SNTG1: variants seen among roughly 807,000 people sequenced by gnomAD.
SNTG1 encodes syntrophin gamma 1.
Under a neutral mutation model 74.7 loss-of-function variants are expected in SNTG1, and 39 were observed. That is an observed-to-expected ratio of 0.52 (90% CI 0.40 to 0.68). SNTG1 has a LOEUF of 0.68. Ranked by LOEUF, SNTG1 falls within the 30% of genes least tolerant of loss-of-function variation. The probability of loss-of-function intolerance (pLI) is 0.00; values close to 1 mark genes in which losing one functional copy is unlikely to be tolerated. For missense variants in SNTG1, 685 were observed against 609.5 expected (o/e 1.12, Z -1.30); for synonymous variants, 254 against 217.1 (o/e 1.17, Z -1.49).
intron 1 of SNTG1, among the ~76,000 whole-genome samples, chr8:49,981,375 C>A (rs1034719211): frequency 6.6e-6 from 1 of 152,142 alleles, no homozygotes; most frequent in African/African-American, 2.4e-5. Context: ...AGAAATTTTA[C>A]CCATGGTTGC....
intron 4 of SNTG1, among the ~76,000 whole-genome samples, chr8:50,404,634 T>G (rs2131365105): frequency 6.6e-6 from 1 of 152,200 alleles, no homozygotes; most frequent in African/African-American, 2.4e-5. Context: ...AAGTTTTTTT[T>G]TTTAACTGTG....
At chr8:49,932,207 T>C (rs779184032) in intron 1 of SNTG1, among the ~76,000 whole-genome samples, 3 of 152,190 alleles carry the variant, frequency 2.0e-5, no homozygotes, top group Non-Finnish European at 4.4e-5. Flanking sequence ...CTGTTTTAGT[T>C]CCTATTACAG....
intron 11 of SNTG1, among the ~76,000 whole-genome samples, chr8:50,546,854 T>C (rs2094391902): frequency 6.6e-6 from 1 of 152,128 alleles, no homozygotes; most frequent in Non-Finnish European, 1.5e-5. Flanking sequence ...CAATCTCGGC[T>C]CACTGCAACC....
intron 1 of SNTG1, chr8:50,163,739 C>G (rs1198680098): frequency 6.6e-6 from 1 of 152,182 alleles, no homozygotes; most frequent in African/African-American, 2.4e-5. Flanking sequence ...GCCTCCACCT[C>G]CCAAAGTGCT....
intron 11 of SNTG1, among the ~76,000 whole-genome samples, chr8:50,550,693 G>GTGTGTGTGTATATATATATATATA (rs1554571332): frequency 1.3e-5 from 2 of 149,028 alleles, no homozygotes; most frequent in African/African-American, 5.0e-5. Context: ...TAGTGTGTGT[G>GTGTGTGTGTATATATATATATATA]TATATATATA....
chr8:50,534,317 T>G (rs1210242281), intron 10 of SNTG1, among the ~76,000 whole-genome samples: 3 of 152,060 alleles, frequency 2.0e-5, no homozygotes, highest in Non-Finnish European at 4.4e-5. Context: ...TTTCAGTCAT[T>G]GCCAACGAGG....
chr8:50,643,372 G>A (rs559031906), intron 13 of SNTG1, among the ~76,000 whole-genome samples: 1 of 152,308 alleles, frequency 6.6e-6, no homozygotes, highest in East Asian at 1.9e-4. Flanking sequence ...TGACAAATCA[G>A]GGTAATTGCC....
At chr8:50,346,658 G>A (rs1464422494) in intron 2 of SNTG1, among the ~76,000 whole-genome samples, 2 of 152,232 alleles carry the variant, frequency 1.3e-5, no homozygotes, top group Admixed American at 6.5e-5. Flanking sequence ...AGTTGTGAAT[G>A]CAAAGAGAAA....
At chr8:50,227,716 G>C (rs1011029750) in intron 2 of SNTG1, among the ~76,000 whole-genome samples, 2 of 151,160 alleles carry the variant, frequency 1.3e-5, no homozygotes, top group African/African-American at 4.9e-5. Flanking sequence ...ACAAGTCATC[G>C]GAGAAGCCAA....
intron 13 of SNTG1, among the ~76,000 whole-genome samples, chr8:50,593,344 G>A (rs1211633753): frequency 2.0e-5 from 3 of 152,070 alleles, no homozygotes; most frequent in Non-Finnish European, 4.4e-5. Context: ...GAAGAAGAGA[G>A]TTGGGCCCAA....
intron 9 of SNTG1, among the ~76,000 whole-genome samples, chr8:50,527,355 G>A (rs1188949472): frequency 6.6e-6 from 1 of 151,878 alleles, no homozygotes; most frequent in Non-Finnish European, 1.5e-5. Context: ...TATTGTTTTT[G>A]TATCCTCTCT....
chr8:50,044,300 C>T (rs1369285712), intron 1 of SNTG1, among the ~76,000 whole-genome samples: 2 of 152,166 alleles, frequency 1.3e-5, no homozygotes, highest in Non-Finnish European at 2.9e-5. Context: ...AGGGGACGAC[C>T]AACCTTTTTA....
At chr8:50,236,754 A>ATCTTC (rs1188192182) in intron 2 of SNTG1, among the ~76,000 whole-genome samples, 6 of 152,050 alleles carry the variant, frequency 3.9e-5, no homozygotes, top group Non-Finnish European at 8.8e-5. Context: ...CCGGCCAAAA[A>ATCTTC]TTTTTAAAAC....
At chr8:50,227,563 AGG>A in intron 2 of SNTG1, among the ~76,000 whole-genome samples, 1 of 152,126 alleles carries the variant, frequency 6.6e-6, no homozygotes, top group African/African-American at 2.4e-5. Flanking sequence ...CCACACACAG[AGG>A]CCCATTTGGA....
At chr8:50,412,917 T>C (rs1475695183) in intron 4 of SNTG1, among the ~76,000 whole-genome samples, 3 of 152,128 alleles carry the variant, frequency 2.0e-5, no homozygotes, top group Non-Finnish European at 4.4e-5. Flanking sequence ...AGGGAGCAAT[T>C]TAAGTAGGAA....
Position 50,547,441 on chromosome 8 carries a change from A to C in SNTG1, c.681-5609A>C, listed in dbSNP as rs139037440. ...GCCACAATCCCCTTAAAATATATGA[A>C]TCTCTTTGGAAAAGTCCACTCTTCC... On this transcript the variant is annotated intron_variant, in intron 11 of 18. Coordinates refer to ENST00000642720, the MANE Select transcript of SNTG1 (RefSeq NM_018967.5). Among the ~76,000 whole-genome samples, 824 of 152,304 alleles carry C rather than the reference A, an allele frequency of 5.4e-3. 10 individuals carry two copies. Among genetic ancestry groups the C allele is most frequent in the African/African-American group, 0.018 (758 of 41,570 alleles).
chr8:49,917,608 G>A (rs2129339427), intron 1 of SNTG1, among the ~76,000 whole-genome samples: 1 of 152,256 alleles, frequency 6.6e-6, no homozygotes, highest in East Asian at 1.9e-4. Flanking sequence ...TATGCACATG[G>A]CTCTGATCAA....
chr8:50,721,237 CCT>C (rs1379463734), intron 17 of SNTG1, among the ~76,000 whole-genome samples: 2 of 152,050 alleles, frequency 1.3e-5, no homozygotes, highest in African/African-American at 4.8e-5. Flanking sequence ...GCTTTGTATC[CCT>C]GTTTTCTGAT....
chr8:50,779,197 G>T (rs1032835472), intron 18 of SNTG1, among the ~76,000 whole-genome samples: 4 of 152,118 alleles, frequency 2.6e-5, no homozygotes, highest in African/African-American at 9.7e-5. Flanking sequence ...CTCTTTTTTG[G>T]TTCCATATGA....
Sources: gnomAD v4.1 joint callset for allele counts (sites outside exome capture counted in the v4.1 genomes callset) on GRCh38, gnomAD v4.1.1 for gene constraint, MANE v1.5 for transcripts, NCBI Gene and HGNC (gene_info 2026-07-23, HGNC 2026-07-21) for gene names.